ANGPTL6: variants seen among roughly 807,000 people sequenced by gnomAD.
ANGPTL6 encodes the protein angiopoietin like 6.
ANGPTL6 carries 45 observed loss-of-function variants against 47.4 expected under a neutral mutation model. The observed-to-expected ratio is 0.95, with a 90% CI of 0.75 to 1.22. ANGPTL6 has a LOEUF of 1.22. Ranked by LOEUF, ANGPTL6 falls within the 50% of genes most tolerant of loss-of-function variation. The pLI, the probability that ANGPTL6 is intolerant of heterozygous loss-of-function variation, is 0.00. For missense variants in ANGPTL6, 698 were observed against 669.4 expected, an observed-to-expected ratio of 1.04 and a Z score of -0.47; for synonymous variants, 290 against 295.9, an observed-to-expected ratio of 0.98 and a Z score of 0.20.
Position 10,096,184 on chromosome 19 carries a change from T to A in ANGPTL6, c.380A>T (p.Asp127Val), listed in dbSNP as rs1231266539. Residue 127 changes from aspartate (D) to valine (V), a missense_variant, in exon 2 of 6, where the codon GAT (aspartate) becomes GTT (valine). Coordinates refer to ENST00000253109, the MANE Select transcript of ANGPTL6 (RefSeq NM_031917.3). ...EAGPGAGPGA[D>V]LGAEPAAALA... ...CGCCGCGGCAGGCTCCGCCCCCAGA[T>A]CCGCCCCCGGGCCCGCCCCGGGCCC... 2 of 1,266,554 alleles carry A rather than the reference T, an allele frequency of 1.6e-6. No homozygotes were observed. The highest frequency in any genetic ancestry group is 2.0e-6 in the Non-Finnish European group (2 of 1,006,888). 78.5% of individuals were successfully genotyped at this position (1,266,554 alleles called of 1,614,324 possible).
chr19:10,098,528 GC>G (rs1407579328), intron 1 of ANGPTL6, among the ~76,000 whole-genome samples: 1 of 152,122 alleles, frequency 6.6e-6, no homozygotes, highest in Non-Finnish European at 1.5e-5. Context: ...AGAGGTTAAA[GC>G]AAAAGCGAAG....
chr19:10,096,173 C>T lies in ANGPTL6; in HGVS notation c.391G>A (p.Glu131Lys). ...AGCAGCGCCAGCGCCGCGGCAGGCT[C>T]CGCCCCCAGATCCGCCCCCGGGCCC... ...GAGPGADLGA[E>K]PAAALALLGE... Residue 131 changes from glutamate (E) to lysine (K), a missense_variant, in exon 2 of 6, where the codon GAG becomes AAG. By Grantham distance (56) the Glu-to-Lys change is moderately conservative (BLOSUM62 1). Transcript: ENST00000253109. 1 of 1,297,734 alleles carries T rather than the reference C, an allele frequency of 7.7e-7. No individual in the cohort carries two copies. The highest frequency in any genetic ancestry group is 2.2e-5 in the South Asian group (1 of 45,338). 80.4% of individuals were successfully genotyped at this position (1,297,734 alleles called of 1,614,324 possible). A position where few individuals can be genotyped will look rare whatever the true frequency, so the allele number is the denominator to read the frequency against.
upstream of ANGPTL6, among the ~76,000 whole-genome samples, chr19:10,105,678 G>A (rs2088802611): frequency 6.6e-6 from 1 of 151,948 alleles, no homozygotes. Context: ...AGAGCAAGGA[G>A]GGAGAGGAGG....
At chr19:10,101,535 C>T in intron 1 of ANGPTL6, among the ~76,000 whole-genome samples, 1 of 151,918 alleles carries the variant, frequency 6.6e-6, no homozygotes, top group African/African-American at 2.4e-5. Flanking sequence ...GGGCCAGGCA[C>T]GGTGGCTCAC....
At position 10,093,557 on chromosome 19, in the gene ANGPTL6, G is replaced by C; in HGVS notation, c.1014C>G (p.Thr338=). Reference sequence around the variant, plus strand: ...CCAGCAGCTCATGGTCCCCACGGCTGGTCAGCTGATACACGGGTTCAAGGC... The same window carrying C: ...CCAGCAGCTCATGGTCCCCACGGCTCGTCAGCTGATACACGGGTTCAAGGC... ...WLGLEPVYQL[T]SRGDHELLVL... is the part of the protein sequence containing the mutation. Residue 338 remains threonine (T), a synonymous_variant, in exon 5 of 6, where the codon ACC becomes ACG. Transcript: ENST00000253109. The C allele has an allele frequency of 6.2e-7, 1 of 1,613,948 alleles. No homozygotes were observed. Among genetic ancestry groups the C allele is most frequent in the Non-Finnish European group, 8.5e-7 (1 of 1,179,952 alleles).
intron 1 of ANGPTL6, among the ~76,000 whole-genome samples, chr19:10,100,286 C>T (rs2088650330): frequency 1.3e-5 from 2 of 152,000 alleles, no homozygotes; most frequent in Admixed American, 1.3e-4. Context: ...CTCTGTTGCC[C>T]AGGCTGGAGT....
chr19:10,095,028 C>T, intron 2 of ANGPTL6, 90 bp from the exon 3 acceptor site: 1 of 1,332,344 alleles, frequency 7.5e-7, no homozygotes, highest in Non-Finnish European at 1.0e-6. Flanking sequence ...ATAAATCTCC[C>T]AGCTCCCAAA....
At position 10,096,176 on chromosome 19, in the gene ANGPTL6, C is replaced by T. The variant is rs2145173005; in HGVS notation, c.388G>A (p.Ala130Thr). 1.6e-6 allele frequency: 2 copies of T among 1,280,148 alleles called. No homozygotes were observed. The highest frequency in any genetic ancestry group is 2.9e-4 in the Middle Eastern group (1 of 3,394). The allele number at this position is 1,280,148 out of a possible 1,614,324, so 79.3% of individuals were successfully genotyped here. A position where few individuals can be genotyped will look rare whatever the true frequency, so the allele number is the denominator to read the frequency against. Residue 130 changes from alanine (A) to threonine (T), a missense_variant, in exon 2 of 6, where the codon GCG (alanine) becomes ACG (threonine). Coordinates refer to ENST00000253109, the MANE Select transcript of ANGPTL6 (RefSeq NM_031917.3). ...PGAGPGADLG[A>T]EPAAALALLG... ...AGCGCCAGCGCCGCGGCAGGCTCCG[C>T]CCCCAGATCCGCCCCCGGGCCCGCC...
Position 10,096,066 on chromosome 19 carries a change from C to A in ANGPTL6, c.498G>T (p.Glu166Asp). Residue 166 changes from glutamate to aspartate, a missense_variant, in exon 2 of 6, where the codon GAG becomes GAT. By Grantham distance (45) the Glu-to-Asp change is conservative. Transcript: ENST00000253109. ...RFHQLDVKFR[E>D]LAQLVTQQSS... ...TCTGCTGGGTGACGAGCTGCGCCAG[C>A]TCGCGGAACTTGACGTCCAGCTGGT... 6.7e-7 allele frequency: 1 copy of A among 1,482,096 alleles called. No homozygotes were observed. The highest frequency in any genetic ancestry group is 9.0e-7 in the Non-Finnish European group (1 of 1,116,780). The allele number at this position is 1,482,096 out of a possible 1,614,324, so 91.8% of individuals were successfully genotyped here.
intron 2 of ANGPTL6, among the ~76,000 whole-genome samples, chr19:10,095,424 A>T (rs975578574): frequency 2.0e-5 from 3 of 152,032 alleles, no homozygotes; most frequent in Non-Finnish European, 2.9e-5. Flanking sequence ...AAATAAAATT[A>T]AAAAAATAAA....
chr19:10,094,787 C>T lies in ANGPTL6; in HGVS notation c.734G>A (p.Gly245Asp). The change falls in exon 3 of 6, where the codon GGT (glycine) becomes GAT (aspartate). Residue 245 changes from glycine (G) to aspartate (D), a missense_variant. Transcript: ENST00000253109. ...AGGCTTGGTGGGGACCGCAGGGTGACCTGCAGGCATGGGAGAAGCCATGGG... is the reference window on the plus strand; with the variant it reads ...AGGCTTGGTGGGGACCGCAGGGTGATCTGCAGGCATGGGAGAAGCCATGGG... ...QEPMASPMPAGHPAVPTKPVG... is the reference protein window; with the variant it reads ...QEPMASPMPADHPAVPTKPVG... The T allele has an allele frequency of 1.2e-6, 2 of 1,614,230 alleles. No individual in the cohort carries two copies. The highest frequency in any genetic ancestry group is 1.7e-6 in the Non-Finnish European group (2 of 1,180,040).
At chr19:10,102,547 C>T (rs972390664) in intron 1 of ANGPTL6, 21 bp downstream of exon 1, 2 of 983,876 alleles carry the variant, frequency 2.0e-6, no homozygotes, top group African/African-American at 3.5e-5. Context: ...TCAACCTCCA[C>T]CTACCTTCCC....
upstream of ANGPTL6, among the ~76,000 whole-genome samples, chr19:10,105,757 T>TGGGGAAGAAGCCAGAGGCCTGA (rs2088805055): frequency 6.6e-6 from 1 of 151,888 alleles, no homozygotes; most frequent in Admixed American, 6.6e-5. Context: ...TGCAAGGTTT[T>TGGGGAAGAAGCCAGAGGCCTGA]GGGGAAGAAG....
chr19:10,098,538 A>C (rs1386956724), intron 1 of ANGPTL6, among the ~76,000 whole-genome samples: 2 of 152,078 alleles, frequency 1.3e-5, no homozygotes, highest in Non-Finnish European at 2.9e-5. Flanking sequence ...GCAAAAGCGA[A>C]GGGAGGCTGG....
At chr19:10,093,990 T>A in intron 3 of ANGPTL6, 110 bp from the exon 4 acceptor site, 1 of 1,166,828 alleles carries the variant, frequency 8.6e-7, no homozygotes, top group Non-Finnish European at 1.2e-6. Flanking sequence ...GTTCTGCCTC[T>A]CCCACTTTTC....
In ANGPTL6 at chr19:10,096,188, C is replaced by G. The variant is rs2088528890; in HGVS notation, c.376G>C (p.Ala126Pro). 1 of 1,247,896 alleles carries G rather than the reference C, an allele frequency of 8.0e-7. No homozygotes were observed. The highest frequency in any genetic ancestry group is 1.6e-5 in the African/African-American group (1 of 64,006). 77.3% of individuals were successfully genotyped at this position (1,247,896 alleles called of 1,614,324 possible). ...GCGGCAGGCTCCGCCCCCAGATCCG[C>G]CCCCGGGCCCGCCCCGGGCCCCGCC... ...HEAGPGAGPG[A>P]DLGAEPAAAL... Residue 126 changes from alanine to proline, a missense_variant, in exon 2 of 6, where the codon GCG becomes CCG. Coordinates refer to ENST00000253109, the MANE Select transcript of ANGPTL6 (RefSeq NM_031917.3).
At chr19:10,104,674 T>G (rs1026913661), upstream of ANGPTL6, among the ~76,000 whole-genome samples, 3 of 152,128 alleles carry the variant, frequency 2.0e-5, no homozygotes, top group African/African-American at 7.2e-5. Flanking sequence ...TAAAAAAAAT[T>G]TTTAAAAAGA....
Position 10,092,423 on chromosome 19 carries a change from C to CGG in ANGPTL6, c.*164_*165dup. On this transcript the variant is annotated 3_prime_UTR_variant, in exon 6 of 6. Coordinates refer to ENST00000253109, the MANE Select transcript of ANGPTL6 (RefSeq NM_031917.3). The stretch of plus-strand genomic sequence containing the variant: ...GAGCCATCTGAGGCCAAGATATTGA[C>CGG]GGGGGGGATTCCTGGGTCCCATTTT... The CGG allele has an allele frequency of 1.3e-6, 2 of 1,512,342 alleles. No homozygotes were observed. The highest frequency in any genetic ancestry group is 8.9e-7 in the Non-Finnish European group (1 of 1,129,542). The allele number at this position is 1,512,342 out of a possible 1,614,324, so 93.7% of individuals were successfully genotyped here.
At chr19:10,103,142 G>A (rs566013931), upstream of ANGPTL6, among the ~76,000 whole-genome samples, 16 of 151,908 alleles carry the variant, frequency 1.1e-4, no homozygotes, top group East Asian at 3.9e-4. Flanking sequence ...ACTTGCCTGC[G>A]GTCACACAGC....
Sources: allele counts gnomAD v4.1 joint callset (sites outside exome capture counted in the v4.1 genomes callset), GRCh38; gene constraint gnomAD v4.1.1; transcripts MANE v1.5; gene names NCBI Gene and HGNC (gene_info 2026-07-23, HGNC 2026-07-21).